Variants in HDAC4 observed in about 807,000 individuals in gnomAD.
HDAC4 encodes histone deacetylase 4, also known as histone deacetylase A.
In HDAC4, 16 loss-of-function variants were observed where a neutral mutation model predicts 135.1. That is an observed-to-expected ratio of 0.12 (90% confidence interval 0.08 to 0.18). HDAC4 has a LOEUF of 0.18. HDAC4 is among the 10% of genes least tolerant of loss of function. The pLI is 1.00. For missense variants in HDAC4, 1,143 were observed against 1,511.8 expected (o/e 0.76, Z 4.05); for synonymous variants, 685 against 653.4 (o/e 1.05, Z -0.74).
upstream of HDAC4, chr2:239,401,307 G>A (rs985845620): frequency 6.6e-6 from 1 of 152,428 alleles, no homozygotes; most frequent in Non-Finnish European, 1.5e-5. Flanking sequence ...GATGCCCTAT[G>A]AGCGGCAGAG....
chr2:239,065,177 C>T (rs374700493), intron 24 of HDAC4, among the ~76,000 whole-genome samples: 14 of 152,298 alleles, frequency 9.2e-5, no homozygotes, highest in African/African-American at 3.1e-4. Flanking sequence ...ATCCCTCTGC[C>T]CGCCCCACAA....
intron 3 of HDAC4, among the ~76,000 whole-genome samples, chr2:239,199,987 C>T (rs1158595637): frequency 6.6e-6 from 1 of 152,178 alleles, no homozygotes; most frequent in East Asian, 1.9e-4. Context: ...ATCCATCTGC[C>T]TCGGCCTCCC....
rs934053919 is a variant in HDAC4, at chr2:239,349,645, C to T, written c.22+3033G>A. On this transcript the variant is annotated intron_variant, in intron 2 of 26. Transcript: ENST00000543185. The surrounding 1 kb of genome is among the most constrained non-coding windows in gnomAD (Gnocchi z 5.7). ...CCCCGCCTGAGACGTGGGCAGAGGC[C>T]GCTGGGCCACCAGCCAGTGTGTGCA... Among the ~76,000 whole-genome samples the T allele has an allele frequency of 1.3e-5, 2 of 152,222 alleles. No homozygotes were observed. The highest frequency in any genetic ancestry group is 2.9e-5 in the Non-Finnish European group (2 of 68,042).
At chr2:239,317,065 G>A (rs759801738) in intron 2 of HDAC4, among the ~76,000 whole-genome samples, 4 of 152,168 alleles carry the variant, frequency 2.6e-5, no homozygotes, top group African/African-American at 9.7e-5. Context: ...TTTTAGACCC[G>A]GTATCTGGAC....
intron 2 of HDAC4, among the ~76,000 whole-genome samples, chr2:239,251,939 T>C (rs2048805324): frequency 6.6e-6 from 1 of 152,188 alleles, no homozygotes; most frequent in African/African-American, 2.4e-5. Context: ...ACTAACTTAA[T>C]CTTATCACTA....
rs372021338 is a variant in HDAC4 at position 239,201,829 on chromosome 2, TG to T, written c.95-11753del. Reference sequence around the variant, plus strand: ...TGTGCATTTTACTCCACTGTCTTTTTGTTTTTGTTTTTATGTAAATCGGCTT... The same window carrying T: ...TGTGCATTTTACTCCACTGTCTTTTTTTTTTGTTTTTATGTAAATCGGCTT... On this transcript the variant is annotated intron_variant, in intron 3 of 26. Transcript: ENST00000543185. Among the ~76,000 whole-genome samples the T allele has an allele frequency of 8.0e-4, 122 of 152,234 alleles. 3 individuals are homozygous for T. The East Asian group carries it at 0.021, about 27-fold the overall frequency.
chr2:239,111,197 T>G (rs888009910), intron 14 of HDAC4, among the ~76,000 whole-genome samples: 88 of 152,202 alleles, frequency 5.8e-4, no homozygotes, highest in Non-Finnish European at 3.2e-4. Context: ...GGCTCATGAT[T>G]CCTGAGCCGG....
intron 1 of HDAC4, among the ~76,000 whole-genome samples, chr2:239,386,525 C>T (rs1298675648): frequency 6.6e-6 from 1 of 152,144 alleles, no homozygotes; most frequent in East Asian, 1.9e-4. Context: ...CTGGAGCCCA[C>T]GGATGTTGGT....
intron 2 of HDAC4, among the ~76,000 whole-genome samples, chr2:239,294,050 A>G (rs1476189357): frequency 6.6e-6 from 1 of 152,148 alleles, no homozygotes; most frequent in South Asian, 2.1e-4. Flanking sequence ...ATACCCGCCC[A>G]TCGTCTCCCA....
At chr2:239,238,592 C>G (rs574745503) in intron 2 of HDAC4, among the ~76,000 whole-genome samples, 1 of 152,208 alleles carries the variant, frequency 6.6e-6, no homozygotes, top group Non-Finnish European at 1.5e-5. Context: ...AAGAAGCCCC[C>G]AGTGGTGAGC....
chr2:239,364,866 A>G (rs946731785), intron 1 of HDAC4, among the ~76,000 whole-genome samples: 1 of 152,236 alleles, frequency 6.6e-6, no homozygotes, highest in Non-Finnish European at 1.5e-5. Flanking sequence ...AATAGTCACC[A>G]TACTACTCCT....
chr2:239,140,867 T>G (rs1201968014), intron 8 of HDAC4: 1 of 433,284 alleles, frequency 2.3e-6, no homozygotes, highest in African/African-American at 2.1e-5. Context: ...TGCCCACTCA[T>G]GCTGACTCAC....
intron 2 of HDAC4, chr2:239,298,533 T>C (rs1416839644): frequency 9.7e-7 from 1 of 1,028,768 alleles, no homozygotes; most frequent in East Asian, 8.5e-5. Context: ...CCTCATTTAG[T>C]CATCATAGCC....
intron 5 of HDAC4, among the ~76,000 whole-genome samples, chr2:239,164,974 G>C (rs2043038014): frequency 6.6e-6 from 1 of 152,218 alleles, no homozygotes; most frequent in South Asian, 2.1e-4. Context: ...TGGAATCCCA[G>C]CACTTTGGGA....
intron 2 of HDAC4, among the ~76,000 whole-genome samples, chr2:239,328,004 C>T (rs1438767206): frequency 1.3e-5 from 2 of 152,190 alleles, no homozygotes; most frequent in African/African-American, 4.8e-5. Context: ...CCACAAGGCC[C>T]CTCACTGCAC....
intron 20 of HDAC4, among the ~76,000 whole-genome samples, chr2:239,082,667 G>A (rs1471702277): frequency 6.6e-6 from 1 of 152,272 alleles, no homozygotes; most frequent in Non-Finnish European, 1.5e-5. Context: ...GCACGTGGGA[G>A]GTGCCAATTC....
intron 17 of HDAC4, among the ~76,000 whole-genome samples, chr2:239,092,894 TCTCTC>T (rs749647540): frequency 6.6e-6 from 1 of 152,014 alleles, no homozygotes; most frequent in Non-Finnish European, 1.5e-5. Context: ...CTCTCTCGCT[TCTCTC>T]CTCTCCTTTT....
Position 239,394,444 on chromosome 2 carries a change from C to A in HDAC4, c.-220+6534G>T, listed in dbSNP as rs79459707. Among the ~76,000 whole-genome samples, 9 of 152,342 alleles carry A rather than the reference C, an allele frequency of 5.9e-5. No individual in the cohort carries two copies. In the East Asian group the frequency reaches 1.5e-3, roughly 26 times the overall value. On this transcript the variant is annotated intron_variant, in intron 1 of 26. Coordinates refer to ENST00000543185, the MANE Select transcript of HDAC4 (RefSeq NM_001378414.1). Reference sequence around the variant, plus strand: ...TAAAAGCACCACTCGCCTCCTCACACGCCGGGGCCCTGGGCGAAGCGGCTG... The same window carrying A: ...TAAAAGCACCACTCGCCTCCTCACAAGCCGGGGCCCTGGGCGAAGCGGCTG...
chr2:239,248,365 T>C (rs1277888207), intron 2 of HDAC4, among the ~76,000 whole-genome samples: 1 of 152,062 alleles, frequency 6.6e-6, no homozygotes, highest in Non-Finnish European at 1.5e-5. Flanking sequence ...GTATTTTTAG[T>C]AGGGATGGGG....
Sources: allele counts gnomAD v4.1 joint callset (sites outside exome capture counted in the v4.1 genomes callset), GRCh38; gene constraint gnomAD v4.1.1; non-coding constraint Gnocchi (gnomAD v3.1); transcripts MANE v1.5; gene names NCBI Gene and HGNC (gene_info 2026-07-23, HGNC 2026-07-21).